The following ZNF251 variants were observed in gnomAD, a reference collection of about 807,000 sequenced individuals.
ZNF251 encodes zinc finger protein 251.
Under a neutral mutation model 13.5 loss-of-function variants are expected in ZNF251, and 14 were observed. The ratio of observed to expected loss-of-function variants is 1.04; its 90% confidence interval spans 0.69 to 1.63. The LOEUF (loss-of-function observed/expected upper bound fraction) is 1.63. Among genes scored for constraint, ZNF251 ranks in the 40% most tolerant of loss-of-function variants. The pLI is 0.00. For synonymous variants in ZNF251, 287 were observed against 295.2 expected (o/e 0.97, Z 0.28); for missense variants, 764 against 834.9 (o/e 0.92, Z 1.05).
At chr8:144,740,481 A>G (rs1247634509) in intron 4 of ZNF251, among the ~76,000 whole-genome samples, 1 of 151,968 alleles carries the variant, frequency 6.6e-6, no homozygotes, top group African/African-American at 2.4e-5. Context: ...TACTAAAAAT[A>G]CAAAATTAGC....
chr8:144,754,114 G>A, intron 3 of ZNF251, 78 bp downstream of exon 3: 1 of 1,528,402 alleles, frequency 6.5e-7, no homozygotes, highest in Non-Finnish European at 8.8e-7. Context: ...TCTTCTTTGG[G>A]ATCCAAAGAG....
intron 4 of ZNF251, among the ~76,000 whole-genome samples, chr8:144,732,794 A>T (rs1394278309): frequency 6.9e-6 from 1 of 145,110 alleles, no homozygotes; most frequent in Non-Finnish European, 1.5e-5. Context: ...CCTGGGCGAC[A>T]GAGCGAGACT....
At chr8:144,753,581 G>T in intron 4 of ZNF251, 102 bp downstream of exon 4, 1 of 836,328 alleles carries the variant, frequency 1.2e-6, no homozygotes, top group Non-Finnish European at 1.9e-6. Flanking sequence ...CCCTGGGGGA[G>T]GCCATTAATA....
chr8:144,737,584 TTTGG>T (rs755035753), intron 4 of ZNF251, among the ~76,000 whole-genome samples: 87 of 151,604 alleles, frequency 5.7e-4, no homozygotes, highest in South Asian at 4.2e-3. Context: ...ATCCCAGCAC[TTTGG>T]TTGGGAGGCC....
At chr8:144,745,765 T>C (rs1480183178) in intron 4 of ZNF251, among the ~76,000 whole-genome samples, 1 of 152,062 alleles carries the variant, frequency 6.6e-6, no homozygotes, top group Non-Finnish European at 1.5e-5. Flanking sequence ...CCTAGGCTGG[T>C]CTTAAACTCC....
intron 4 of ZNF251, among the ~76,000 whole-genome samples, chr8:144,733,571 G>A (rs1041130874): frequency 2.0e-5 from 3 of 152,146 alleles, no homozygotes; most frequent in Admixed American, 1.3e-4. Context: ...GCAAAACCTG[G>A]ACTGATAATG....
At chr8:144,732,761 A>C (rs7827796) in intron 4 of ZNF251, among the ~76,000 whole-genome samples, 74,542 of 149,258 alleles carry the variant, frequency 0.5, 18,940 homozygotes, top group Middle Eastern at 0.63. Flanking sequence ...GCAGTGAGCC[A>C]AGATCGCACC....
chr8:144,732,755 T>G (rs1002024240), intron 4 of ZNF251, among the ~76,000 whole-genome samples: 4 of 143,984 alleles, frequency 2.8e-5, no homozygotes, highest in East Asian at 4.1e-4. Flanking sequence ...GAGCTTGCAG[T>G]GAGCCAAGAT....
In ZNF251 at chr8:144,734,462, GCT is replaced by G. The variant is rs1200178361; in HGVS notation, c.278-11082_278-11081del. 1.3e-5 allele frequency among the ~76,000 whole-genome samples: 2 copies of G among 152,210 alleles called. No homozygotes were observed. Among genetic ancestry groups the G allele is most frequent in the African/African-American group, 4.8e-5 (2 of 41,460 alleles). On this transcript the variant is annotated intron_variant, in intron 4 of 4. Transcript: ENST00000292562. This position sits in a 1 kb window ranked among gnomAD's most constrained non-coding sequence, Gnocchi z 4.4. The stretch of plus-strand genomic sequence containing the variant: ...ACCGGACGCTGGAGGCCTCCACCTG[GCT>G]CTGAGATGAGTGTAAGGCTCACAGC...
chr8:144,732,705 G>C (rs577148584), intron 4 of ZNF251, among the ~76,000 whole-genome samples: 4 of 151,960 alleles, frequency 2.6e-5, no homozygotes, highest in Admixed American at 6.6e-5. Flanking sequence ...CCAGCTACTT[G>C]GGAGGCTGAG....
chr8:144,748,125 G>C (rs1824516373), intron 4 of ZNF251, among the ~76,000 whole-genome samples: 1 of 151,938 alleles, frequency 6.6e-6, no homozygotes, highest in Non-Finnish European at 1.5e-5. Context: ...CCAGGCTGCA[G>C]TGCAATGGTG....
intron 2 of ZNF251, 24 bp downstream of exon 2, chr8:144,754,672 G>A (rs112461908): frequency 0.036 from 56,774 of 1,597,954 alleles, 1,251 homozygotes; most frequent in Non-Finnish European, 0.041. Context: ...ATGAAGAGGT[G>A]GGCAGGAAGG....
At chr8:144,745,643 C>T (rs926107781) in intron 4 of ZNF251, among the ~76,000 whole-genome samples, 2 of 152,032 alleles carry the variant, frequency 1.3e-5, no homozygotes, top group Non-Finnish European at 2.9e-5. Context: ...GACTCCTAGG[C>T]TCAAGCAGTC....
In ZNF251 at chr8:144,749,392, G is replaced by T. The variant is rs1019061993; in HGVS notation, c.277+4291C>A. ...CCCAGCTACTTGGGAGGCTGTGGTG[G>T]GAGGATCACTCGAGCCTGGGAGGTC... On this transcript the variant is annotated intron_variant, in intron 4 of 4. Coordinates refer to ENST00000292562, the MANE Select transcript of ZNF251 (RefSeq NM_138367.2). Among the ~76,000 whole-genome samples the T allele has an allele frequency of 1.3e-5, 2 of 152,110 alleles. 1 individual carries two copies. Among genetic ancestry groups the T allele is most frequent in the Non-Finnish European group, 2.9e-5 (2 of 68,012 alleles).
intron 4 of ZNF251, among the ~76,000 whole-genome samples, chr8:144,736,826 T>G (rs2129982822): frequency 6.7e-6 from 1 of 148,532 alleles, no homozygotes; most frequent in South Asian, 2.1e-4. Context: ...GATGGAGGTT[T>G]TTTTTGGTTC....
chr8:144,749,738 C>T (rs1033631829), intron 4 of ZNF251, among the ~76,000 whole-genome samples: 1 of 152,134 alleles, frequency 6.6e-6, no homozygotes, highest in African/African-American at 2.4e-5. Flanking sequence ...ACAGCTAATA[C>T]AAGTCCACTT....
Position 144,722,550 on chromosome 8 carries a change from A to G in ZNF251, c.1110T>C (p.Ile370=). ...RSSSLIQHER[I]HTGEKPHKCN... Reference sequence around the variant, plus strand: ...ATTTATGGGGCTTCTCTCCAGTGTGAATTCTCTCATGCTGAATAAGGCTGG... The same window carrying G: ...ATTTATGGGGCTTCTCTCCAGTGTGGATTCTCTCATGCTGAATAAGGCTGG... The change falls in exon 5 of 5, where the codon ATT becomes ATC. Residue 370 remains isoleucine, a synonymous_variant. Coordinates refer to ENST00000292562, the MANE Select transcript of ZNF251 (RefSeq NM_138367.2). This position sits in a 1 kb window ranked among gnomAD's most constrained non-coding sequence, Gnocchi z 4.8. 6.2e-7 allele frequency: 1 copy of G among 1,614,052 alleles called. No homozygotes were observed. Among genetic ancestry groups the G allele is most frequent in the Non-Finnish European group, 8.5e-7 (1 of 1,180,000 alleles).
chr8:144,747,462 T>A (rs1416651350), intron 4 of ZNF251, among the ~76,000 whole-genome samples: 2 of 152,244 alleles, frequency 1.3e-5, no homozygotes, highest in African/African-American at 4.8e-5. Flanking sequence ...ATGTAAATTA[T>A]TCCCAGCTGA....
chr8:144,747,208 CTTCT>C (rs1488613761), intron 4 of ZNF251, among the ~76,000 whole-genome samples: 2 of 152,040 alleles, frequency 1.3e-5, no homozygotes, highest in Admixed American at 1.3e-4. Context: ...CTTGAGATAT[CTTCT>C]TTGACTCGTG....
Sources: gnomAD v4.1 joint callset for allele counts (sites outside exome capture counted in the v4.1 genomes callset) on GRCh38, gnomAD v4.1.1 for gene constraint, Gnocchi (gnomAD v3.1) non-coding constraint, MANE v1.5 for transcripts, NCBI Gene and HGNC (gene_info 2026-07-23, HGNC 2026-07-21) for gene names.